The following POU2F3 variants were observed in gnomAD, a reference collection of about 807,000 sequenced individuals.
POU2F3 encodes POU domain, class 2, transcription factor 3.
POU2F3 carries 23 observed loss-of-function variants against 59.2 expected under a neutral mutation model. The observed-to-expected ratio is 0.39, with a 90% confidence interval of 0.28 to 0.55. The LOEUF is 0.55. Ranked by LOEUF, POU2F3 falls within the 20% of genes least tolerant of loss-of-function variation. POU2F3 has a pLI of 0.66. For synonymous variants in POU2F3, 190 were observed against 214.6 expected (o/e 0.89, Z 1.00); for missense variants, 473 against 544.5 (o/e 0.87, Z 1.31).
Position 120,309,461 on chromosome 11 carries a change from G to A in POU2F3, c.943G>A (p.Ala315Thr), listed in dbSNP as rs1941594690. 12 of 1,613,886 alleles carry A rather than the reference G, an allele frequency of 7.4e-6. No homozygotes were observed. The highest frequency in any genetic ancestry group is 1.6e-4 in the Middle Eastern group (1 of 6,082). ...KPSSEEISMIAEQLSMEKEVV... is the reference protein window; with the variant it reads ...KPSSEEISMITEQLSMEKEVV... ...CAGCTCGGAGGAGATCTCCATGATT[G>A]CAGAGCAGTTGTCCATGGAGAAGGA... Residue 315 changes from alanine to threonine, a missense_variant, in exon 10 of 13, where the codon GCA becomes ACA. Ala to Thr is a moderately conservative substitution (Grantham distance 58). Transcript: ENST00000543440.
At chr11:120,312,640 A>G (rs533457172) in intron 10 of POU2F3, among the ~76,000 whole-genome samples, 1 of 152,208 alleles carries the variant, frequency 6.6e-6, no homozygotes, top group Non-Finnish European at 1.5e-5. Context: ...TTCCTTAAGC[A>G]TTCACTGAGC....
At chr11:120,269,097 G>C in intron 2 of POU2F3, 113 bp from the exon 3 acceptor site, 2 of 742,636 alleles carry the variant, frequency 2.7e-6, no homozygotes, top group Non-Finnish European at 4.3e-6. Context: ...AGCGAAGCAG[G>C]TGCTCTTTTT....
intron 9 of POU2F3, among the ~76,000 whole-genome samples, chr11:120,309,018 A>ACAG (rs924582942): frequency 1.3e-4 from 19 of 150,474 alleles, no homozygotes; most frequent in African/African-American, 3.7e-4. Context: ...AAGGAAGAAC[A>ACAG]CAGAAGGGAG....
chr11:120,283,898 T>C (rs1310755444), intron 3 of POU2F3, among the ~76,000 whole-genome samples: 2 of 151,450 alleles, frequency 1.3e-5, no homozygotes, highest in Non-Finnish European at 2.9e-5. Context: ...GCCTGTGCGG[T>C]TCAGTTACTG....
chr11:120,306,544 G>T (rs1488874210), intron 8 of POU2F3, among the ~76,000 whole-genome samples: 1 of 152,152 alleles, frequency 6.6e-6, no homozygotes, highest in Non-Finnish European at 1.5e-5. Flanking sequence ...TCCACCCCCA[G>T]TTGAAACAGC....
At chr11:120,274,105 AAGAAAGG>A (rs1940210522) in intron 3 of POU2F3, among the ~76,000 whole-genome samples, 3 of 86,388 alleles carry the variant, frequency 3.5e-5, no homozygotes, top group African/African-American at 1.1e-4. Context: ...GGAAGGAAGG[AAGAAAGG>A]AAGGAAGGAA....
intron 3 of POU2F3, among the ~76,000 whole-genome samples, chr11:120,270,737 G>C (rs1940030331): frequency 6.6e-6 from 1 of 152,146 alleles, no homozygotes; most frequent in African/African-American, 2.4e-5. Context: ...CTGTTGCCTA[G>C]GCTGGAGTGC....
chr11:120,301,394 G>A (rs1941343277), intron 5 of POU2F3: 1 of 219,268 alleles, frequency 4.6e-6, no homozygotes. Context: ...GAGCTTTCTT[G>A]CCTATGTATT....
At chr11:120,283,086 G>A (rs1034479438) in intron 3 of POU2F3, among the ~76,000 whole-genome samples, 7 of 152,342 alleles carry the variant, frequency 4.6e-5, no homozygotes, top group Middle Eastern at 3.4e-3. Context: ...ACTCTAAGGC[G>A]AGAGCTGCCA....
chr11:120,301,454 G>C (rs1941345247), intron 5 of POU2F3: 1 of 185,424 alleles, frequency 5.4e-6, no homozygotes, highest in African/African-American at 2.4e-5. Context: ...AGAGCATAAA[G>C]GTCAACATCA....
intron 3 of POU2F3, among the ~76,000 whole-genome samples, chr11:120,294,754 C>T (rs1941141900): frequency 6.6e-6 from 1 of 152,212 alleles, no homozygotes; most frequent in Admixed American, 6.5e-5. Flanking sequence ...TCCTGTTGAA[C>T]TCAGCTAATA....
In POU2F3 at chr11:120,298,239, C is replaced by T. The variant is rs373085541; in HGVS notation, c.133-26C>T. 58 of 1,600,850 alleles carry T rather than the reference C, an allele frequency of 3.6e-5. No individual in the cohort carries two copies. The South Asian group carries it at 4.4e-4, about 12-fold the overall frequency. On this transcript the variant is annotated intron_variant, in intron 3 of 12. Transcript: ENST00000543440. ...ACTGCCTGACGGGATCCAGCACTGA[C>T]GCTCTCCTCTTGCTTCCACTTGCAG...
chr11:120,311,214 G>T (rs1941641344), intron 10 of POU2F3, among the ~76,000 whole-genome samples: 1 of 152,208 alleles, frequency 6.6e-6, no homozygotes, highest in Non-Finnish European at 1.5e-5. Flanking sequence ...GGAACTGAAG[G>T]TTTGGGGGAA....
intron 2 of POU2F3, among the ~76,000 whole-genome samples, chr11:120,255,746 G>C (rs895391248): frequency 1.3e-5 from 2 of 152,190 alleles, no homozygotes; most frequent in Admixed American, 6.5e-5. Context: ...CCTCACAGGA[G>C]AGCCGGCTGG....
chr11:120,286,960 G>A (rs1158562762), intron 3 of POU2F3, among the ~76,000 whole-genome samples: 2 of 152,064 alleles, frequency 1.3e-5, no homozygotes, highest in African/African-American at 4.8e-5. Context: ...CACAAGCAGG[G>A]TCCTGTGGCA....
chr11:120,289,691 T>G (rs1227974350), intron 3 of POU2F3, among the ~76,000 whole-genome samples: 3 of 152,218 alleles, frequency 2.0e-5, no homozygotes, highest in Non-Finnish European at 1.5e-5. Flanking sequence ...TTCCGCTTCC[T>G]GGGATGGCTT....
At chr11:120,288,571 C>T (rs1171473235) in intron 3 of POU2F3, among the ~76,000 whole-genome samples, 4 of 152,108 alleles carry the variant, frequency 2.6e-5, no homozygotes, top group African/African-American at 9.7e-5. Flanking sequence ...CCCTGTTTTC[C>T]ACAAGCAGGA....
At chr11:120,286,301 T>C (rs553882413) in intron 3 of POU2F3, among the ~76,000 whole-genome samples, 1 of 152,330 alleles carries the variant, frequency 6.6e-6, no homozygotes, top group South Asian at 2.1e-4. Flanking sequence ...GTTTGTGCCT[T>C]GTTGCCTTTA....
At chr11:120,267,192 G>A (rs1039416159) in intron 2 of POU2F3, among the ~76,000 whole-genome samples, 7 of 151,042 alleles carry the variant, frequency 4.6e-5, no homozygotes, top group African/African-American at 1.5e-4. Flanking sequence ...GCAGTCATGC[G>A]ATCTCGGCTC....
Sources: gnomAD v4.1 joint callset for allele counts (sites outside exome capture counted in the v4.1 genomes callset) on GRCh38, gnomAD v4.1.1 for gene constraint, MANE v1.5 for transcripts, NCBI Gene and HGNC (gene_info 2026-07-23, HGNC 2026-07-21) for gene names.